The following TADA2A variants were observed in gnomAD, a reference collection of about 807,000 sequenced individuals.
TADA2A encodes the protein transcriptional adapter 2-alpha.
Under a neutral mutation model 67.4 loss-of-function variants are expected in TADA2A, and 38 were observed. The observed-to-expected ratio is 0.56, with a 90% CI of 0.44 to 0.74. The LOEUF (loss-of-function observed/expected upper bound fraction) is 0.74, where lower values mean the gene tolerates loss of function less well. TADA2A is among the 30% of genes least tolerant of loss of function. The pLI, the probability that TADA2A is intolerant of heterozygous loss-of-function variation, is 0.00. For missense variants in TADA2A, 454 were observed against 547.0 expected, an observed-to-expected ratio of 0.83 and a Z score of 1.70; for synonymous variants, 192 against 181.6, an observed-to-expected ratio of 1.06 and a Z score of -0.46.
chr17:37,442,277 C>T lies in TADA2A; in HGVS notation c.443-287C>T, dbSNP rs80131404. Among the ~76,000 whole-genome samples the T allele has an allele frequency of 6.3e-3, 934 of 148,152 alleles. 2 individuals carry two copies. Among genetic ancestry groups the T allele is most frequent in the African/African-American group, 0.022 (871 of 40,008 alleles). The stretch of plus-strand genomic sequence containing the variant: ...AGTTCATCCTAAGGGATAAGGGAGC[C>T]GAAGCCAACGGTAAATATTTAGGTT... On this transcript the variant is annotated intron_variant, in intron 6 of 15. Coordinates refer to ENST00000615182, the MANE Select transcript of TADA2A (RefSeq NM_001166105.3).
chr17:37,455,393 T>C (rs925007200), intron 8 of TADA2A, among the ~76,000 whole-genome samples: 2 of 151,512 alleles, frequency 1.3e-5, no homozygotes, highest in African/African-American at 2.4e-5. Flanking sequence ...TGTTTGTTTG[T>C]TTTTTTGAGA....
At chr17:37,417,901 G>A (rs1158021508) in intron 2 of TADA2A, among the ~76,000 whole-genome samples, 1 of 152,070 alleles carries the variant, frequency 6.6e-6, no homozygotes, top group African/African-American at 2.4e-5. Context: ...TACAAGAGAA[G>A]TAATCTATGG....
intron 4 of TADA2A, among the ~76,000 whole-genome samples, chr17:37,430,272 T>C (rs2052532634): frequency 6.6e-6 from 1 of 152,194 alleles, no homozygotes. Context: ...GTCCTTTACT[T>C]TGGGGAGCTT....
intron 6 of TADA2A, among the ~76,000 whole-genome samples, chr17:37,442,123 C>T (rs917552465): frequency 6.6e-6 from 1 of 151,282 alleles, no homozygotes; most frequent in Non-Finnish European, 1.5e-5. Flanking sequence ...TGTGCAGGGT[C>T]ATGGGACTAG....
intron 8 of TADA2A, among the ~76,000 whole-genome samples, chr17:37,452,271 C>G (rs1008205565): frequency 6.6e-6 from 1 of 150,748 alleles, no homozygotes; most frequent in African/African-American, 2.4e-5. Flanking sequence ...GGTATGGTGG[C>G]GTGCACCTGT....
intron 3 of TADA2A, 134 bp downstream of exon 3, chr17:37,423,749 TTTC>T: frequency 1.6e-6 from 1 of 623,106 alleles, no homozygotes; most frequent in Admixed American, 4.8e-5. Flanking sequence ...TTTCTTTTTC[TTTC>T]TTTTTTTTTT....
chr17:37,471,085 T>C lies in TADA2A; in HGVS notation c.1029-9T>C. 4 of 1,614,162 alleles carry C rather than the reference T, an allele frequency of 2.5e-6. No homozygotes were observed. Among genetic ancestry groups the C allele is most frequent in the Non-Finnish European group, 3.4e-6 (4 of 1,180,020 alleles). The stretch of plus-strand genomic sequence containing the variant: ...TGACCTAAGTTTAAATTCCTCTTCT[T>C]CGTTGTAGTGATTCCGGCCTGAGTC... On this transcript the variant is annotated splice_polypyrimidine_tract_variant and intron_variant, in intron 13 of 15. Coordinates refer to ENST00000615182, the MANE Select transcript of TADA2A (RefSeq NM_001166105.3).
chr17:37,407,959 A>C (rs897796839), intron 1 of TADA2A: 1 of 152,072 alleles, frequency 6.6e-6, no homozygotes, highest in African/African-American at 2.4e-5. Context: ...CCATCTCAAC[A>C]CACTGCAACT....
intron 8 of TADA2A, among the ~76,000 whole-genome samples, chr17:37,447,171 A>AT (rs570702923): frequency 3.3e-5 from 5 of 151,856 alleles, no homozygotes; most frequent in East Asian, 3.9e-4. Flanking sequence ...TTTATTTTTT[A>AT]TTTTTTTTGT....
At chr17:37,462,672 A>G (rs921958989) in intron 10 of TADA2A, among the ~76,000 whole-genome samples, 1 of 152,172 alleles carries the variant, frequency 6.6e-6, no homozygotes, top group African/African-American at 2.4e-5. Context: ...AAATGTATTA[A>G]TTTGTAGTCA....
chr17:37,413,760 T>C (rs1347518086), intron 2 of TADA2A, among the ~76,000 whole-genome samples: 1 of 150,784 alleles, frequency 6.6e-6, no homozygotes, highest in Non-Finnish European at 1.5e-5. Context: ...CCCCACCCCC[T>C]GCCAAATCTA....
intron 11 of TADA2A, among the ~76,000 whole-genome samples, chr17:37,467,026 A>G (rs1479009278): frequency 6.6e-6 from 1 of 152,106 alleles, no homozygotes; most frequent in African/African-American, 2.4e-5. Flanking sequence ...GTGTGGTGGT[A>G]GATGCCTGTA....
In TADA2A at chr17:37,423,557, T is replaced by A. The variant is rs1356095701; in HGVS notation, c.74T>A (p.Met25Lys). ...TGCCGAGGCTGCTCCTCCTACCTCA[T>A]GGAGCCTTATATCAAGTGTGCTGAA... ...PPCRGCSSYL[M>K]EPYIKCAECG... Residue 25 changes from methionine (M) to lysine (K), a missense_variant, in exon 3 of 16, where the codon ATG becomes AAG. Met to Lys is a moderately conservative substitution (Grantham distance 95). Transcript: ENST00000615182. The A allele has an allele frequency of 6.2e-7, 1 of 1,613,626 alleles. No homozygotes were observed. The highest frequency in any genetic ancestry group is 1.1e-5 in the South Asian group (1 of 90,904).
rs570247920 is a variant in TADA2A, at chr17:37,408,879, A to G, written c.-98+1930A>G. 3.3e-5 allele frequency among the ~76,000 whole-genome samples: 5 copies of G among 152,320 alleles called. No homozygotes were observed. In the East Asian group the frequency reaches 9.6e-4, roughly 29 times the overall value. On this transcript the variant is annotated intron_variant, in intron 1 of 15. Transcript: ENST00000615182. ...GTTCTTTGATGGCAGCGTTAGCAGA[A>G]ATGTTGCCCACACTTAGTGATGAAT...
chr17:37,471,342 G>C (rs1669585168), intron 14 of TADA2A, among the ~76,000 whole-genome samples: 2 of 152,098 alleles, frequency 1.3e-5, no homozygotes, highest in Non-Finnish European at 2.9e-5. Context: ...TGACAGTATA[G>C]AGTATAGACA....
At chr17:37,466,877 C>A (rs1222541324) in intron 11 of TADA2A, among the ~76,000 whole-genome samples, 1 of 152,108 alleles carries the variant, frequency 6.6e-6, no homozygotes, top group Admixed American at 6.6e-5. Context: ...TATATTTTGC[C>A]CAGTGCGGTG....
intron 4 of TADA2A, among the ~76,000 whole-genome samples, chr17:37,435,674 G>T (rs986143706): frequency 1.1e-4 from 16 of 152,014 alleles, no homozygotes; most frequent in Admixed American, 9.8e-4. Context: ...CTACCTCCCG[G>T]GTTCAAGCGA....
intron 8 of TADA2A, among the ~76,000 whole-genome samples, chr17:37,455,315 A>T (rs1597917321): frequency 5.9e-5 from 2 of 33,842 alleles, no homozygotes; most frequent in African/African-American, 2.0e-4. Context: ...TCTGGTTATT[A>T]AAAAAAAAAA....
In TADA2A at chr17:37,477,002, C is replaced by G. The variant is rs779125083; in HGVS notation, c.*20C>G. 3 of 1,582,906 alleles carry G rather than the reference C, an allele frequency of 1.9e-6. No homozygotes were observed. In the East Asian group the frequency reaches 6.8e-5, roughly 36 times the overall value. ...GGCTAAGGCTCCAAGAGCTTGGGAT[C>G]AGAAGTCAGAAGTTTGGAATGTGGT... On this transcript the variant is annotated 3_prime_UTR_variant, in exon 16 of 16. Coordinates refer to ENST00000615182, the MANE Select transcript of TADA2A (RefSeq NM_001166105.3).
Sources: gnomAD v4.1 joint callset for allele counts (sites outside exome capture counted in the v4.1 genomes callset) on GRCh38, gnomAD v4.1.1 for gene constraint, MANE v1.5 for transcripts, NCBI Gene and HGNC (gene_info 2026-07-23, HGNC 2026-07-21) for gene names.